Variants in UBAP2 observed in about 807,000 individuals in gnomAD.
UBAP2 encodes ubiquitin associated protein 2.
A neutral mutation model predicts 139.6 loss-of-function variants in UBAP2; 75 were observed. That is an observed-to-expected ratio of 0.54 (90% CI 0.45 to 0.65). UBAP2 has a LOEUF of 0.65. UBAP2 is among the 30% of genes least tolerant of loss of function. The pLI is 0.00. For synonymous variants in UBAP2, 526 were observed against 526.2 expected, an observed-to-expected ratio of 1.00 and a Z score of 0.01; for missense variants, 1,368 against 1,369.6, an observed-to-expected ratio of 1.00 and a Z score of 0.02.
In UBAP2 at chr9:33,943,508, A is replaced by G. The variant is rs1470263064; in HGVS notation, c.1627T>C (p.Ser543Pro). 5.6e-6 allele frequency: 9 copies of G among 1,614,046 alleles called. No homozygotes were observed. Among genetic ancestry groups the G allele is most frequent in the Non-Finnish European group, 6.8e-6 (8 of 1,180,042 alleles). The part of the protein sequence containing the change: ...NVQFGALEFG[S>P]EPSLSEFGSA... ...CCAAATTCAGAGAGAGAAGGTTCTGACCCAAATTCCAGAGCCCCAAACTGC... is the reference window on the plus strand; with the variant it reads ...CCAAATTCAGAGAGAGAAGGTTCTGGCCCAAATTCCAGAGCCCCAAACTGC... Residue 543 changes from serine to proline, a missense_variant, in exon 15 of 29, where the codon TCA becomes CCA. Ser to Pro is a moderately conservative substitution (Grantham distance 74). Coordinates refer to ENST00000379238, the MANE Select transcript of UBAP2 (RefSeq NM_001370062.2).
At chr9:34,014,859 C>A (rs1399516010) in intron 2 of UBAP2, among the ~76,000 whole-genome samples, 1 of 151,938 alleles carries the variant, frequency 6.6e-6, no homozygotes, top group Non-Finnish European at 1.5e-5. Context: ...CCTAAAACCT[C>A]CAAATTTTTC....
chr9:33,994,781 G>A (rs1231990891), intron 4 of UBAP2: 1 of 151,766 alleles, frequency 6.6e-6, no homozygotes, highest in Non-Finnish European at 1.5e-5. Flanking sequence ...TTCCACATTA[G>A]TTAATTTTTA....
intron 6 of UBAP2, among the ~76,000 whole-genome samples, chr9:33,981,113 T>TATTCTGG (rs1564044218): frequency 2.2e-4 from 1 of 4,626 alleles, no homozygotes; most frequent in East Asian, 4.5e-3. Context: ...GATATATATA[T>TATTCTGG]ATATATATAT....
At chr9:34,031,707 T>C (rs1013870545) in intron 1 of UBAP2, among the ~76,000 whole-genome samples, 10 of 150,862 alleles carry the variant, frequency 6.6e-5, no homozygotes, top group Admixed American at 6.0e-4. Context: ...AATTTTTGAA[T>C]GTATGAGGCT....
chr9:34,014,973 A>G (rs1305913467), intron 2 of UBAP2, among the ~76,000 whole-genome samples: 1 of 152,184 alleles, frequency 6.6e-6, no homozygotes, highest in Admixed American at 6.6e-5. Flanking sequence ...TACCAGCAGA[A>G]TACTACACTA....
chr9:33,943,552 T>A lies in UBAP2; in HGVS notation c.1583A>T (p.Asp528Val). The A allele has an allele frequency of 6.2e-7, 1 of 1,614,148 alleles. No homozygotes were observed. ...AAACTGCACATTTAATCCTGTGACATCTGCTGAACCAGGCATTTCCACTGC... is the reference window on the plus strand; with the variant it reads ...AAACTGCACATTTAATCCTGTGACAACTGCTGAACCAGGCATTTCCACTGC... ...ASAVEMPGSA[D>V]VTGLNVQFGA... is the part of the protein sequence containing the mutation. Residue 528 changes from aspartate (D) to valine (V), a missense_variant, in exon 15 of 29, where the codon GAT (aspartate) becomes GTT (valine). Coordinates refer to ENST00000379238, the MANE Select transcript of UBAP2 (RefSeq NM_001370062.2).
In UBAP2 at chr9:33,922,704, G is replaced by C. The variant is rs753968920; in HGVS notation, c.3247C>G (p.Leu1083Val). 8 of 1,550,144 alleles carry C rather than the reference G, an allele frequency of 5.2e-6. No homozygotes were observed. Among genetic ancestry groups the C allele is most frequent in the Non-Finnish European group, 6.1e-6 (7 of 1,148,746 alleles). The part of the protein sequence containing the change: ...QPHSQLLHHH[L>V]PQDAQSGSGQ... ...GTACTCACCTGTGCATCCTGCGGAA[G>C]GTGGTGGTGCAGCAGCTGTGAGTGG... Residue 1083 changes from leucine (L) to valine (V), a missense_variant, in exon 28 of 29, where the codon CTT becomes GTT. By Grantham distance (32) the Leu-to-Val change is conservative (BLOSUM62 1). Coordinates refer to ENST00000379238, the MANE Select transcript of UBAP2 (RefSeq NM_001370062.2).
intron 1 of UBAP2, among the ~76,000 whole-genome samples, chr9:34,029,429 T>A (rs1825693995): frequency 6.6e-6 from 1 of 151,336 alleles, no homozygotes; most frequent in South Asian, 2.1e-4. Context: ...CTCGGGAGGC[T>A]GAGGCAGGAG....
chr9:33,926,627 C>A lies in UBAP2; in HGVS notation c.2501G>T (p.Arg834Leu). The A allele has an allele frequency of 6.2e-7, 1 of 1,614,164 alleles. No homozygotes were observed. The highest frequency in any genetic ancestry group is 8.5e-7 in the Non-Finnish European group (1 of 1,180,018). The change falls in exon 22 of 29, where the codon CGG (arginine) becomes CTG (leucine). Residue 834 changes from arginine to leucine, a missense_variant. By Grantham distance (102) the Arg-to-Leu change is moderately radical. Transcript: ENST00000379238. The stretch of plus-strand genomic sequence containing the variant: ...CCATACCCCACTCACCACTGGCAGC[C>A]GTGACTGCAGCATCTGGAGCTCGTC... Reference protein sequence around the residue: ...GYDELQMLQSRLPVDYYGIPF... With the variant: ...GYDELQMLQSLLPVDYYGIPF...
chr9:34,047,604 GAATAT>G (rs1466095621), intron 1 of UBAP2, among the ~76,000 whole-genome samples: 1 of 152,172 alleles, frequency 6.6e-6, no homozygotes, highest in Non-Finnish European at 1.5e-5. Flanking sequence ...AACGGAAGAG[GAATAT>G]AAGAACTGGG....
At chr9:34,009,045 T>A (rs1823506686) in intron 2 of UBAP2, among the ~76,000 whole-genome samples, 1 of 151,552 alleles carries the variant, frequency 6.6e-6, no homozygotes. Context: ...CTTTGCAACT[T>A]TTTTACAACT....
intron 8 of UBAP2, among the ~76,000 whole-genome samples, chr9:33,965,436 T>TA (rs1827373202): frequency 6.6e-6 from 1 of 152,242 alleles, no homozygotes. Context: ...AGAAGAATTT[T>TA]ACAATTTTTG....
At chr9:34,013,526 G>T (rs1365396489) in intron 2 of UBAP2, among the ~76,000 whole-genome samples, 1 of 151,956 alleles carries the variant, frequency 6.6e-6, no homozygotes, top group Non-Finnish European at 1.5e-5. Context: ...CATGCAACCT[G>T]AATAGGTTAT....
intron 4 of UBAP2, among the ~76,000 whole-genome samples, chr9:33,990,348 T>G (rs894743788): frequency 2.6e-5 from 4 of 152,166 alleles, no homozygotes; most frequent in Non-Finnish European, 4.4e-5. Context: ...AAAATTTGGG[T>G]GATAAGTTGA....
At chr9:33,974,832 C>T (rs1228512985) in intron 6 of UBAP2, among the ~76,000 whole-genome samples, 2 of 148,214 alleles carry the variant, frequency 1.3e-5, no homozygotes, top group Non-Finnish European at 3.0e-5. Context: ...CCCAGGTACT[C>T]GGGAGGCTGA....
chr9:34,004,883 C>T (rs566019823), intron 2 of UBAP2, among the ~76,000 whole-genome samples: 1 of 151,906 alleles, frequency 6.6e-6, no homozygotes, highest in Non-Finnish European at 1.5e-5. Context: ...CAGGAGGAGA[C>T]CAGCCTGGGC....
chr9:33,976,860 A>G (rs1006249082), intron 6 of UBAP2, among the ~76,000 whole-genome samples: 11 of 151,068 alleles, frequency 7.3e-5, no homozygotes, highest in Non-Finnish European at 1.0e-4. Flanking sequence ...ATATATACAA[A>G]AATTAGCCAG....
chr9:33,963,709 AAATT>A lies in UBAP2; in HGVS notation c.745+13_745+16del. ...AAGATTCTTAATTTTAAAAATTAAA[AAATT>A]AAGTATTCATACCTTTGAGTCCATA... On this transcript the variant is annotated intron_variant, in intron 9 of 28. Coordinates refer to ENST00000379238, the MANE Select transcript of UBAP2 (RefSeq NM_001370062.2). 1 of 1,519,182 alleles carries A rather than the reference AAATT, an allele frequency of 6.6e-7. No individual in the cohort carries two copies. The highest frequency in any genetic ancestry group is 9.0e-7 in the Non-Finnish European group (1 of 1,107,234). 94.1% of individuals were successfully genotyped at this position (1,519,182 alleles called of 1,614,324 possible). A position where few individuals can be genotyped will look rare whatever the true frequency, so the allele number is the denominator to read the frequency against.
chr9:33,967,445 A>G (rs1827556124), intron 8 of UBAP2, among the ~76,000 whole-genome samples: 1 of 152,214 alleles, frequency 6.6e-6, no homozygotes, highest in African/African-American at 2.4e-5. Context: ...ACCTGCTGAA[A>G]GTTTACAGAT....
Sources: allele counts gnomAD v4.1 joint callset (sites outside exome capture counted in the v4.1 genomes callset), GRCh38; gene constraint gnomAD v4.1.1; transcripts MANE v1.5; gene names NCBI Gene and HGNC (gene_info 2026-07-23, HGNC 2026-07-21).